Variants in GRIK1 observed in about 807,000 individuals in gnomAD.
GRIK1 encodes glutamate ionotropic receptor kainate type subunit 1, also known as glutamate receptor ionotropic, kainate 1.
In GRIK1, 69 loss-of-function variants were observed where a neutral mutation model predicts 105.7. That is an observed-to-expected ratio of 0.65 (90% CI 0.54 to 0.80). GRIK1 has a LOEUF of 0.80. GRIK1 is among the 30% of genes least tolerant of loss of function. GRIK1 has a pLI of 0.00. For synonymous variants in GRIK1, 438 were observed against 431.3 expected (o/e 1.02, Z -0.19); for missense variants, 1,109 against 1,167.3 (o/e 0.95, Z 0.73).
intron 1 of GRIK1, among the ~76,000 whole-genome samples, chr21:29,845,368 A>G (rs2068085288): frequency 6.6e-6 from 1 of 152,092 alleles, no homozygotes; most frequent in Non-Finnish European, 1.5e-5. Context: ...TGGTCATTTG[A>G]AAATCCTCAT....
chr21:29,928,630 C>T (rs2071463290), intron 1 of GRIK1, among the ~76,000 whole-genome samples: 1 of 152,204 alleles, frequency 6.6e-6, no homozygotes, highest in Non-Finnish European at 1.5e-5. Context: ...ACAAATTCCA[C>T]CCCAAAGAGG....
intron 1 of GRIK1, among the ~76,000 whole-genome samples, chr21:29,884,533 T>C (rs993321027): frequency 6.6e-6 from 1 of 152,004 alleles, no homozygotes; most frequent in African/African-American, 2.4e-5. Context: ...TTGATGGCCA[T>C]GTTCATCTCT....
intron 7 of GRIK1, among the ~76,000 whole-genome samples, chr21:29,642,021 G>C (rs147281870): frequency 6.6e-6 from 1 of 152,280 alleles, no homozygotes; most frequent in East Asian, 1.9e-4. Flanking sequence ...GTATCCCATA[G>C]AGAAATATTA....
intron 1 of GRIK1, among the ~76,000 whole-genome samples, chr21:29,843,921 G>A (rs2068045521): frequency 6.6e-6 from 1 of 152,146 alleles, no homozygotes; most frequent in African/African-American, 2.4e-5. Flanking sequence ...CCTACTTGGA[G>A]GGCAGAAAGT....
intron 7 of GRIK1, among the ~76,000 whole-genome samples, chr21:29,607,589 A>G (rs1378972831): frequency 6.6e-6 from 1 of 152,204 alleles, no homozygotes; most frequent in Non-Finnish European, 1.5e-5. Context: ...AATTGCTTGT[A>G]TGTAAAAATG....
chr21:29,857,689 A>C (rs796068605), intron 1 of GRIK1, among the ~76,000 whole-genome samples: 9 of 152,336 alleles, frequency 5.9e-5, no homozygotes, highest in African/African-American at 1.9e-4. Context: ...TGTTAATATT[A>C]AAAGGATAAT....
intron 16 of GRIK1, 76 bp from the exon 17 acceptor site, chr21:29,537,960 A>C: frequency 2.8e-6 from 2 of 708,190 alleles, no homozygotes. Flanking sequence ...TGGCAGCAGC[A>C]ATGATGCAGC....
chr21:29,547,273 G>T (rs956035637), intron 16 of GRIK1, among the ~76,000 whole-genome samples: 3 of 152,152 alleles, frequency 2.0e-5, no homozygotes, highest in African/African-American at 7.2e-5. Flanking sequence ...CTATATCCAG[G>T]GGAGGCCTTT....
chr21:29,615,122 A>G (rs564021669), intron 7 of GRIK1, among the ~76,000 whole-genome samples: 12 of 151,704 alleles, frequency 7.9e-5, no homozygotes, highest in Admixed American at 5.2e-4. Context: ...TTTGGATGGA[A>G]TGCATAGTTT....
intron 7 of GRIK1, among the ~76,000 whole-genome samples, chr21:29,616,269 G>T (rs957551453): frequency 3.3e-5 from 5 of 152,106 alleles, no homozygotes; most frequent in Non-Finnish European, 4.4e-5. Flanking sequence ...CCCATCTCTT[G>T]AGGGATACGG....
At chr21:29,753,846 T>C (rs1008817144) in intron 1 of GRIK1, among the ~76,000 whole-genome samples, 5 of 152,148 alleles carry the variant, frequency 3.3e-5, no homozygotes, top group Non-Finnish European at 5.9e-5. Flanking sequence ...TTATTGGATG[T>C]TCTGTGCCCT....
intron 1 of GRIK1, among the ~76,000 whole-genome samples, chr21:29,927,156 T>A (rs2071397466): frequency 6.6e-6 from 1 of 152,090 alleles, no homozygotes. Context: ...TTATTCGAAA[T>A]GCAATAATAA....
intron 1 of GRIK1, among the ~76,000 whole-genome samples, chr21:29,853,861 A>C (rs1438813850): frequency 6.6e-6 from 1 of 152,202 alleles, no homozygotes; most frequent in Non-Finnish European, 1.5e-5. Context: ...TGTCAGAGGG[A>C]GATAAGTTTA....
In GRIK1 at chr21:29,591,027, G is replaced by A. The variant is rs572520220; in HGVS notation, c.1365+85C>T. Reference sequence around the variant, plus strand: ...TAGACATTTGCAGACAGAAGCGTTGGCATGAAAAAGACAGTTGAGGAATGC... The same window carrying A: ...TAGACATTTGCAGACAGAAGCGTTGACATGAAAAAGACAGTTGAGGAATGC... On this transcript the variant is annotated intron_variant, in intron 10 of 17. Coordinates refer to ENST00000327783, the MANE Select transcript of GRIK1 (RefSeq NM_001330994.2). 3.6e-5 allele frequency: 29 copies of A among 800,748 alleles called. 1 individual carries two copies. In the East Asian group the frequency reaches 6.1e-4, roughly 17 times the overall value. The allele number at this position is 800,748 out of a possible 1,614,324, so 49.6% of individuals were successfully genotyped here.
intron 1 of GRIK1, among the ~76,000 whole-genome samples, chr21:29,908,074 G>T (rs150370998): frequency 5.9e-5 from 9 of 151,648 alleles, no homozygotes; most frequent in African/African-American, 2.2e-4. Flanking sequence ...CATTTATTGG[G>T]CACTTATTAT....
intron 1 of GRIK1, among the ~76,000 whole-genome samples, chr21:29,880,638 C>G (rs2069372713): frequency 6.6e-6 from 1 of 152,092 alleles, no homozygotes; most frequent in Non-Finnish European, 1.5e-5. Context: ...TGCAGATTGC[C>G]AAGTAGCATA....
chr21:29,561,581 G>T, intron 15 of GRIK1, 43 bp downstream of exon 15: 1 of 1,318,160 alleles, frequency 7.6e-7, no homozygotes, highest in South Asian at 1.2e-5. Flanking sequence ...ACTGGTAACT[G>T]ACATTCTGTA....
At chr21:29,939,299 G>C (rs1281211830) in intron 1 of GRIK1, 84 bp downstream of exon 1, 1 of 790,454 alleles carries the variant, frequency 1.3e-6, no homozygotes, top group Non-Finnish European at 2.1e-6. Context: ...GCCGCCGCGC[G>C]CTGCCTCGCC....
At chr21:29,620,044 T>C (rs975542236) in intron 7 of GRIK1, among the ~76,000 whole-genome samples, 4 of 152,226 alleles carry the variant, frequency 2.6e-5, no homozygotes, top group African/African-American at 4.8e-5. Flanking sequence ...ATTCAACCTC[T>C]ATCCTTAGAG....
Sources: gnomAD v4.1 joint callset for allele counts (sites outside exome capture counted in the v4.1 genomes callset) on GRCh38, gnomAD v4.1.1 for gene constraint, MANE v1.5 for transcripts, NCBI Gene and HGNC (gene_info 2026-07-23, HGNC 2026-07-21) for gene names.